RNF212B: variants seen among roughly 807,000 people sequenced by gnomAD.
RNF212B encodes ring finger protein 212B.
A neutral mutation model predicts 55.5 loss-of-function variants in RNF212B; 52 were observed. The ratio of observed to expected loss-of-function variants is 0.94; its 90% CI spans 0.75 to 1.18. RNF212B has a LOEUF of 1.18. RNF212B is among the 50% of genes most tolerant of loss of function. RNF212B has a pLI of 0.00. For synonymous variants in RNF212B, 99 were observed against 121.4 expected (o/e 0.82, Z 1.21); for missense variants, 289 against 350.4 (o/e 0.82, Z 1.40).
chr14:23,236,697 T>A (rs147165592), upstream of RNF212B, among the ~76,000 whole-genome samples: 12 of 152,092 alleles, frequency 7.9e-5, 1 homozygote, highest in African/African-American at 2.2e-4. Flanking sequence ...GCAATTTACA[T>A]AAACAAAAGC....
At chr14:23,238,727 C>T (rs1033019435) in intron 1 of RNF212B, among the ~76,000 whole-genome samples, 2 of 144,808 alleles carry the variant, frequency 1.4e-5, no homozygotes, top group African/African-American at 5.1e-5. Flanking sequence ...CAGAGCCAGA[C>T]CCTGTCTCAA....
intron 2 of RNF212B, among the ~76,000 whole-genome samples, chr14:23,208,727 A>G (rs1249870381): frequency 2.7e-5 from 4 of 150,852 alleles, no homozygotes; most frequent in African/African-American, 7.3e-5. Context: ...TACTTCACAG[A>G]CAGAGCAGTC....
chr14:23,214,882 T>G (rs200363333), intron 2 of RNF212B, among the ~76,000 whole-genome samples: 58 of 152,262 alleles, frequency 3.8e-4, no homozygotes, highest in East Asian at 1.3e-3. Context: ...CTGAGTGAAC[T>G]TCAAGAAGAA....
chr14:23,220,210 A>G (rs1053664519), intron 2 of RNF212B, among the ~76,000 whole-genome samples: 3 of 151,176 alleles, frequency 2.0e-5, no homozygotes, highest in Admixed American at 2.0e-4. Flanking sequence ...AAACAAAAAC[A>G]AAAACAAAAA....
chr14:23,257,442 C>G (rs1884930169), intron 4 of RNF212B, among the ~76,000 whole-genome samples: 1 of 152,046 alleles, frequency 6.6e-6, no homozygotes, highest in South Asian at 2.1e-4. Flanking sequence ...AGTTTACTTT[C>G]AAGTAGAAAG....
chr14:23,199,270 A>C (rs1292887958), intron 2 of RNF212B, among the ~76,000 whole-genome samples: 1 of 152,204 alleles, frequency 6.6e-6, no homozygotes, highest in African/African-American at 2.4e-5. Context: ...ACATTGGTTC[A>C]GTCTGGAAAG....
At chr14:23,201,024 G>T (rs1230394990) in intron 2 of RNF212B, among the ~76,000 whole-genome samples, 1 of 152,160 alleles carries the variant, frequency 6.6e-6, no homozygotes, top group Non-Finnish European at 1.5e-5. Flanking sequence ...ATTGTTGAAA[G>T]CTGTCAATAG....
intron 2 of RNF212B, among the ~76,000 whole-genome samples, chr14:23,196,750 C>CT (rs1878755593): frequency 2.0e-5 from 3 of 152,192 alleles, no homozygotes; most frequent in Admixed American, 6.5e-5. Flanking sequence ...GCCCAAAGGG[C>CT]TTTTTTTGTG....
At chr14:23,213,246 G>A (rs930502590) in intron 2 of RNF212B, among the ~76,000 whole-genome samples, 6 of 151,894 alleles carry the variant, frequency 4.0e-5, no homozygotes, top group South Asian at 4.2e-4. Context: ...CCGTGAGGCG[G>A]AGCTTGCAGT....
At chr14:23,226,018 G>A (rs1188001620) in intron 2 of RNF212B, among the ~76,000 whole-genome samples, 2 of 152,004 alleles carry the variant, frequency 1.3e-5, no homozygotes, top group Admixed American at 6.6e-5. Flanking sequence ...TAAAAAACTC[G>A]GCTGGGCGCG....
rs775070549 is a variant in RNF212B at position 23,240,370 on chromosome 14, T to G, written c.25T>G (p.Cys9Gly). The G allele has an allele frequency of 2.6e-6, 4 of 1,550,266 alleles. No individual in the cohort carries two copies. Among genetic ancestry groups the G allele is most frequent in the Non-Finnish European group, 2.6e-6 (3 of 1,146,816 alleles). ...AATGGATTGGTTTCATTGCAACCAG[T>G]GCTTCCGAAAAGATGGGGCCCATTT... MDWFHCNQ[C>G]FRKDGAHFFV... Residue 9 changes from cysteine to glycine, a missense_variant, in exon 2 of 15, where the codon TGC (cysteine) becomes GGC (glycine). Cys to Gly is a radical substitution (Grantham distance 159). Transcript: ENST00000430154.
intron 2 of RNF212B, among the ~76,000 whole-genome samples, chr14:23,241,583 C>T (rs1349174719): frequency 6.6e-6 from 1 of 151,988 alleles, no homozygotes. Context: ...ACCACCATGC[C>T]TGGCTAACTT....
chr14:23,219,581 T>G (rs1157934068), intron 2 of RNF212B, among the ~76,000 whole-genome samples: 1 of 151,862 alleles, frequency 6.6e-6, no homozygotes, highest in Non-Finnish European at 1.5e-5. Flanking sequence ...AAGTGATTCT[T>G]GTGCCTTAGC....
At chr14:23,248,440 C>CTT (rs34288769) in intron 4 of RNF212B, among the ~76,000 whole-genome samples, 3,681 of 112,776 alleles carry the variant, frequency 0.033, 162 homozygotes, top group Non-Finnish European at 0.055. Context: ...CCCCAAGCCT[C>CTT]TTTTTTTTTT....
intron 2 of RNF212B, among the ~76,000 whole-genome samples, chr14:23,212,400 C>T (rs139024056): frequency 2.6e-5 from 4 of 152,138 alleles, no homozygotes; most frequent in East Asian, 1.9e-4. Context: ...TACTCACAGA[C>T]GGCATGATTA....
chr14:23,238,758 T>C (rs111329180), intron 1 of RNF212B, among the ~76,000 whole-genome samples: 5,212 of 136,474 alleles, frequency 0.038, 273 homozygotes, highest in African/African-American at 0.12. Flanking sequence ...ATAATAATAA[T>C]AATAATAATA....
chr14:23,214,147 A>G (rs921453631), intron 2 of RNF212B, among the ~76,000 whole-genome samples: 10 of 152,146 alleles, frequency 6.6e-5, no homozygotes, highest in Admixed American at 3.3e-4. Context: ...TTACAAAAAC[A>G]CTTATAAAAT....
chr14:23,187,033 C>A (rs1050402263), intron 1 of RNF212B, among the ~76,000 whole-genome samples: 3 of 152,012 alleles, frequency 2.0e-5, no homozygotes, highest in Non-Finnish European at 1.5e-5. Flanking sequence ...TCACCTGGGC[C>A]CCCCCAACAT....
intron 4 of RNF212B, among the ~76,000 whole-genome samples, chr14:23,256,263 T>TGGGATACTATGGGATACAGCACACA (rs1431916714): frequency 1.3e-5 from 2 of 152,160 alleles, no homozygotes; most frequent in East Asian, 3.8e-4. Flanking sequence ...AACATTGTGA[T>TGGGATACTATGGGATACAGCACACA]TTGGCTGTCT....
Sources: allele counts gnomAD v4.1 joint callset (sites outside exome capture counted in the v4.1 genomes callset), GRCh38; gene constraint gnomAD v4.1.1; transcripts MANE v1.5; gene names NCBI Gene and HGNC (gene_info 2026-07-23, HGNC 2026-07-21).